Variants in WDTC1 observed in about 807,000 individuals in gnomAD.
The protein encoded by WDTC1 is WD and tetratricopeptide repeats 1.
Under a neutral mutation model 76.0 loss-of-function variants are expected in WDTC1, and 12 were observed. That is an observed-to-expected ratio of 0.16 (90% CI 0.10 to 0.26). The LOEUF is 0.26. Among genes scored for constraint, WDTC1 ranks in the 10% least tolerant of loss-of-function variants. The probability of loss-of-function intolerance (pLI) is 1.00; values close to 1 mark genes in which losing one functional copy is unlikely to be tolerated. For synonymous variants in WDTC1, 326 were observed against 350.8 expected, an observed-to-expected ratio of 0.93 and a Z score of 0.79; for missense variants, 511 against 908.8, an observed-to-expected ratio of 0.56 and a Z score of 5.63.
At chr1:27,278,746 T>C (rs1418488697) in intron 3 of WDTC1, among the ~76,000 whole-genome samples, 1 of 152,238 alleles carries the variant, frequency 6.6e-6, no homozygotes, top group African/African-American at 2.4e-5. Flanking sequence ...TTGCTACTTC[T>C]CAGCATTCAG....
chr1:27,303,854 G>C lies in WDTC1; in HGVS notation c.1643+59G>C, dbSNP rs2013891787. The C allele has an allele frequency of 6.3e-7, 1 of 1,594,532 alleles. No individual in the cohort carries two copies. Among genetic ancestry groups the C allele is most frequent in the Non-Finnish European group, 8.6e-7 (1 of 1,169,496 alleles). On this transcript the variant is annotated intron_variant, in intron 14 of 15. Coordinates refer to ENST00000319394, the MANE Select transcript of WDTC1 (RefSeq NM_001276252.2). This position sits in a 1 kb window ranked among gnomAD's most constrained non-coding sequence, Gnocchi z 4.8. ...TTGGCAGCGGGAGGTTGAGTGGGGA[G>C]TGTTGGGGCATAATGGTTTCAGAGA...
intron 3 of WDTC1, among the ~76,000 whole-genome samples, chr1:27,278,197 A>T (rs568480510): frequency 6.6e-6 from 1 of 152,276 alleles, no homozygotes; most frequent in East Asian, 1.9e-4. Context: ...GTAAAGTTTT[A>T]TGGGAACACA....
intron 3 of WDTC1, among the ~76,000 whole-genome samples, chr1:27,265,423 TG>T (rs2012630148): frequency 6.6e-6 from 1 of 152,214 alleles, no homozygotes; most frequent in Non-Finnish European, 1.5e-5. Context: ...TTTTTATTGT[TG>T]TTTTTTAGTG....
chr1:27,235,309 G>C (rs957974612), intron 1 of WDTC1, among the ~76,000 whole-genome samples: 1 of 152,084 alleles, frequency 6.6e-6, no homozygotes, highest in Non-Finnish European at 1.5e-5. Flanking sequence ...AGAAGGGGCA[G>C]GTGTAAGTGC....
Position 27,305,265 on chromosome 1 carries a change from AG to A in WDTC1, c.1836+75del, listed in dbSNP as rs928474936. The A allele has an allele frequency of 1.2e-5, 18 of 1,519,634 alleles. No homozygotes were observed. In the Admixed American group the frequency reaches 3.7e-4, roughly 31 times the overall value. 94.1% of individuals were successfully genotyped at this position (1,519,634 alleles called of 1,614,324 possible). ...AGGCTCCAGTGGAGCCTGCTAGCGCAGGGAAGAGAAATGAGCCACCCAGAGG... is the reference window on the plus strand; with the variant it reads ...AGGCTCCAGTGGAGCCTGCTAGCGCAGGAAGAGAAATGAGCCACCCAGAGG... On this transcript the variant is annotated intron_variant, in intron 15 of 15. Coordinates refer to ENST00000319394, the MANE Select transcript of WDTC1 (RefSeq NM_001276252.2). The surrounding 1 kb of genome is among the most constrained non-coding windows in gnomAD (Gnocchi z 4.6).
At position 27,269,300 on chromosome 1, in the gene WDTC1, C is replaced by A. The variant is rs1178593748; in HGVS notation, c.132+6065C>A. Reference sequence around the variant, plus strand: ...GAAGCTGCAGTGAGCCATGATCACACCACTGCACTCCAACTTGGGCAACAG... The same window carrying A: ...GAAGCTGCAGTGAGCCATGATCACAACACTGCACTCCAACTTGGGCAACAG... On this transcript the variant is annotated intron_variant, in intron 3 of 15. Transcript: ENST00000319394. 2.0e-5 allele frequency among the ~76,000 whole-genome samples: 3 copies of A among 149,594 alleles called. No homozygotes were observed. The East Asian group carries it at 6.0e-4, about 30-fold the overall frequency.
chr1:27,241,054 A>G lies in WDTC1; in HGVS notation c.-100+6103A>G, dbSNP rs148410214. On this transcript the variant is annotated intron_variant, in intron 1 of 15. Coordinates refer to ENST00000319394, the MANE Select transcript of WDTC1 (RefSeq NM_001276252.2). The stretch of plus-strand genomic sequence containing the variant: ...GCCAGAGTGTATAGGAGGCAGTGTC[A>G]GAGGCCCTGTGCAAAGAAAATTCTC... Among the ~76,000 whole-genome samples the G allele has an allele frequency of 1.3e-3, 191 of 152,132 alleles. 2 individuals are homozygous for G. Among genetic ancestry groups the G allele is most frequent in the Middle Eastern group, 3.5e-3 (1 of 288 alleles).
In WDTC1 at chr1:27,306,067, T is replaced by C. The variant is rs2147999083; in HGVS notation, c.1837-119T>C. The C allele has an allele frequency of 8.8e-7, 1 of 1,131,992 alleles. No individual in the cohort carries two copies. Among genetic ancestry groups the C allele is most frequent in the Non-Finnish European group, 1.3e-6 (1 of 786,748 alleles). The allele number at this position is 1,131,992 out of a possible 1,614,324, so 70.1% of individuals were successfully genotyped here. A position where few individuals can be genotyped will look rare whatever the true frequency, so the allele number is the denominator to read the frequency against. On this transcript the variant is annotated intron_variant, in intron 15 of 15. Coordinates refer to ENST00000319394, the MANE Select transcript of WDTC1 (RefSeq NM_001276252.2). This position sits in a 1 kb window ranked among gnomAD's most constrained non-coding sequence, Gnocchi z 5.0. ...CACCATATACACCTCCTGGCATGTA[T>C]GTGTACCTCCCCCTATAGATAGTTT... is the stretch of plus-strand genomic sequence containing the variant.
Position 27,296,561 on chromosome 1 carries a change from A to G in WDTC1, c.949+160A>G, listed in dbSNP as rs562509419. On this transcript the variant is annotated intron_variant, in intron 10 of 15. Coordinates refer to ENST00000319394, the MANE Select transcript of WDTC1 (RefSeq NM_001276252.2). The stretch of plus-strand genomic sequence containing the variant: ...CTATGCAGTAAGAAAGAGGATGACA[A>G]TAGAGCAGAGATCTCTTCAAGAGCT... Among the ~76,000 whole-genome samples the G allele has an allele frequency of 1.9e-4, 29 of 152,306 alleles. 1 individual carries two copies. Among genetic ancestry groups the G allele is most frequent in the African/African-American group, 5.5e-4 (23 of 41,564 alleles).
upstream of WDTC1, chr1:27,234,560 G>A (rs1038202239): frequency 3.6e-5 from 14 of 386,446 alleles, no homozygotes; most frequent in Admixed American, 9.0e-5. Context: ...GCCGGGCGCA[G>A]TCTTCGTAGC....
At chr1:27,242,525 A>G (rs2147901492) in intron 1 of WDTC1, among the ~76,000 whole-genome samples, 1 of 151,596 alleles carries the variant, frequency 6.6e-6, no homozygotes, top group East Asian at 2.0e-4. Context: ...GCTGGAGTGC[A>G]ATGGTGCAAT....
At chr1:27,235,881 C>A (rs1376134228) in intron 1 of WDTC1, among the ~76,000 whole-genome samples, 1 of 152,108 alleles carries the variant, frequency 6.6e-6, no homozygotes, top group African/African-American at 2.4e-5. Context: ...TTTTAGGAGC[C>A]TGGTAGGGTG....
In WDTC1 at chr1:27,234,885, G is replaced by GC. The variant is rs1208170365; in HGVS notation, c.-158dup. On this transcript the variant is annotated 5_prime_UTR_variant, in exon 1 of 16. Transcript: ENST00000319394. ...CGCCCCCCTTCCCGGGAGAGGGGCC[G>GC]CCCCCCCCGGACGGACATGGGCTCC... 769 of 390,672 alleles carry GC rather than the reference G, an allele frequency of 2.0e-3. 6 individuals are homozygous for GC. Among genetic ancestry groups the GC allele is most frequent in the African/African-American group, 9.3e-3 (450 of 48,182 alleles). 24.2% of individuals were successfully genotyped at this position (390,672 alleles called of 1,614,324 possible). A position where few individuals can be genotyped will look rare whatever the true frequency, so the allele number is the denominator to read the frequency against.
chr1:27,250,616 C>G (rs1007086090), intron 1 of WDTC1, among the ~76,000 whole-genome samples: 2 of 152,036 alleles, frequency 1.3e-5, no homozygotes, highest in Non-Finnish European at 2.9e-5. Flanking sequence ...GAATTCAGGC[C>G]CAGGTGCCTA....
In WDTC1 at chr1:27,259,091, T is replaced by A. The variant is rs77046782; in HGVS notation, c.-99-1865T>A. Among the ~76,000 whole-genome samples the A allele has an allele frequency of 3.4e-3, 521 of 152,340 alleles. 26 individuals carry two copies. The East Asian group carries it at 0.089, about 26-fold the overall frequency. Reference sequence around the variant, plus strand: ...CTTTTATAGAATAATTTTGAAAATATTAAAAAGTAGAAAAAGTCAGTCATA... The same window carrying A: ...CTTTTATAGAATAATTTTGAAAATAATAAAAAGTAGAAAAAGTCAGTCATA... On this transcript the variant is annotated intron_variant, in intron 1 of 15. Transcript: ENST00000319394.
intron 1 of WDTC1, among the ~76,000 whole-genome samples, chr1:27,255,910 TCTCC>T (rs2012264430): frequency 6.6e-6 from 1 of 152,092 alleles, no homozygotes; most frequent in Non-Finnish European, 1.5e-5. Flanking sequence ...CTTAGCACTC[TCTCC>T]CTGGAAGTGG....
At chr1:27,248,444 A>G (rs1015671978) in intron 1 of WDTC1, among the ~76,000 whole-genome samples, 8 of 152,048 alleles carry the variant, frequency 5.3e-5, no homozygotes, top group African/African-American at 1.7e-4. Context: ...GGCCACATGT[A>G]TGTCTTCTTT....
intron 1 of WDTC1, among the ~76,000 whole-genome samples, chr1:27,237,863 A>AAAAAAAAAAAAAAGAAAAG (rs2147894923): frequency 6.7e-6 from 1 of 149,154 alleles, no homozygotes; most frequent in South Asian, 2.1e-4. Flanking sequence ...CTCCATCTCA[A>AAAAAAAAAAAAAAGAAAAG]AAAAAAAAAA....
chr1:27,283,279 A>T, intron 4 of WDTC1, 59 bp from the exon 5 acceptor site: 1 of 1,470,818 alleles, frequency 6.8e-7, no homozygotes, highest in Non-Finnish European at 9.5e-7. Context: ...AGAACATGGG[A>T]TGGGGAAAGG....
Sources: allele counts gnomAD v4.1 joint callset (sites outside exome capture counted in the v4.1 genomes callset), GRCh38; gene constraint gnomAD v4.1.1; non-coding constraint Gnocchi (gnomAD v3.1); transcripts MANE v1.5; gene names NCBI Gene and HGNC (gene_info 2026-07-23, HGNC 2026-07-21).